The following MED12L variants were observed in gnomAD, a reference collection of about 807,000 sequenced individuals.
MED12L encodes the protein mediator complex subunit 12L, also known as mediator of RNA polymerase II transcription subunit 12-like protein.
In MED12L, 60 loss-of-function variants were observed where a neutral mutation model predicts 281.3. The observed-to-expected ratio is 0.21, with a 90% confidence interval of 0.17 to 0.26. The LOEUF (loss-of-function observed/expected upper bound fraction) is 0.26, where lower values mean the gene tolerates loss of function less well. Among genes scored for constraint, MED12L ranks in the 10% least tolerant of loss-of-function variants. MED12L has a pLI of 1.00. For missense variants in MED12L, 2,146 were observed against 2,680.9 expected (o/e 0.80, Z 4.41); for synonymous variants, 974 against 987.2 (o/e 0.99, Z 0.25).
chr3:151,318,511 T>A (rs1484496378), intron 16 of MED12L, among the ~76,000 whole-genome samples: 1 of 152,200 alleles, frequency 6.6e-6, no homozygotes, highest in Admixed American at 6.5e-5. Context: ...GCTCATAATT[T>A]GACATTTTAC....
chr3:151,195,462 T>G (rs1273426418), intron 16 of MED12L, among the ~76,000 whole-genome samples: 1 of 152,198 alleles, frequency 6.6e-6, no homozygotes, highest in Non-Finnish European at 1.5e-5. Context: ...AATTTTTCTA[T>G]GTCCAGGGAT....
In MED12L at chr3:151,388,060, A is replaced by G. The variant is rs532098523; in HGVS notation, c.5339A>G (p.Gln1780Arg). The G allele has an allele frequency of 6.2e-7, 1 of 1,614,074 alleles. No individual in the cohort carries two copies. The highest frequency in any genetic ancestry group is 1.1e-5 in the South Asian group (1 of 91,078). Residue 1780 changes from glutamine (Q) to arginine (R), a missense_variant, in exon 37 of 45, where the codon CAG (glutamine) becomes CGG (arginine). Coordinates refer to ENST00000687756, the MANE Select transcript of MED12L (RefSeq NM_001393769.1). ...EEEEPTSPVS[Q>R]EPERKSAELS... ...GAAGAGCCCACATCTCCAGTTTCTC[A>G]GGAACCAGAAAGGAAGTCCGCTGAG...
intron 11 of MED12L, among the ~76,000 whole-genome samples, chr3:151,175,851 A>G (rs1721975669): frequency 6.6e-6 from 1 of 152,234 alleles, no homozygotes; most frequent in South Asian, 2.1e-4. Context: ...ATCATTAATT[A>G]TGATTATTTG....
intron 5 of MED12L, among the ~76,000 whole-genome samples, chr3:151,154,164 G>GT: frequency 6.6e-6 from 1 of 152,080 alleles, no homozygotes. Context: ...TTTAATTGCA[G>GT]TTTTACTAAT....
chr3:151,188,585 T>A, intron 13 of MED12L, 105 bp downstream of exon 13: 3 of 1,176,844 alleles, frequency 2.5e-6, no homozygotes, highest in Non-Finnish European at 3.5e-6. Flanking sequence ...TTCTTGGCAC[T>A]GAATATAATG....
chr3:151,098,551 C>A (rs1721018897), intron 2 of MED12L, among the ~76,000 whole-genome samples: 1 of 152,154 alleles, frequency 6.6e-6, no homozygotes, highest in South Asian at 2.1e-4. Context: ...CTTGTGTCCA[C>A]ACATCACTAA....
intron 16 of MED12L, chr3:151,198,145 C>G (rs892817097): frequency 4.0e-6 from 1 of 247,818 alleles, no homozygotes; most frequent in Non-Finnish European, 7.8e-6. Flanking sequence ...TGTCATGGAC[C>G]TCTTTTGGAT....
intron 11 of MED12L, among the ~76,000 whole-genome samples, chr3:151,182,790 A>T (rs1396548135): frequency 6.6e-6 from 1 of 152,110 alleles, no homozygotes; most frequent in East Asian, 1.9e-4. Flanking sequence ...GGATCAGGTG[A>T]TTGTGGTCAG....
Position 151,154,253 on chromosome 3 carries a change from T to C in MED12L, c.557-1908T>C, listed in dbSNP as rs1435260411. 2.0e-5 allele frequency among the ~76,000 whole-genome samples: 3 copies of C among 152,126 alleles called. No individual in the cohort carries two copies. The East Asian group carries it at 5.8e-4, about 29-fold the overall frequency. On this transcript the variant is annotated intron_variant, in intron 5 of 44. Transcript: ENST00000687756. ...ATAACTTTAAGTCAGTTAAATACAC[T>C]TAAAGCACAGGGTTAAGAGGGCTTT...
At chr3:151,266,631 T>C (rs998032424) in intron 16 of MED12L, among the ~76,000 whole-genome samples, 1 of 152,188 alleles carries the variant, frequency 6.6e-6, no homozygotes, top group Non-Finnish European at 1.5e-5. Flanking sequence ...TTGAAGATTT[T>C]AAGTAAATGA....
intron 16 of MED12L, among the ~76,000 whole-genome samples, chr3:151,224,329 C>G (rs75950444): frequency 0.022 from 3,361 of 152,122 alleles, 119 homozygotes; most frequent in African/African-American, 0.077. Flanking sequence ...TACTTGTTTT[C>G]TAGCTGATTC....
chr3:151,370,297 G>A (rs1273532860), intron 26 of MED12L, among the ~76,000 whole-genome samples: 1 of 151,994 alleles, frequency 6.6e-6, no homozygotes, highest in Non-Finnish European at 1.5e-5. Context: ...CCTTCTTTTG[G>A]TCTTGACTCT....
At chr3:151,368,614 TATTTTATTTTATTTTATTTC>T (rs1461439893) in intron 25 of MED12L, among the ~76,000 whole-genome samples, 13 of 74,122 alleles carry the variant, frequency 1.8e-4, no homozygotes, top group East Asian at 8.8e-4. Context: ...TATTTTATTT[TATTTTATTTTATTTTATTTC>T]ATTTCATTTC....
intron 16 of MED12L, chr3:151,294,872 A>G (rs779398418): frequency 1.9e-6 from 3 of 1,613,994 alleles, no homozygotes; most frequent in Non-Finnish European, 2.5e-6. Flanking sequence ...GGAAGTATAC[A>G]TGTTTGCATA....
Position 151,360,244 on chromosome 3 carries a change from T to G in MED12L, c.2826-230T>G, listed in dbSNP as rs894222290. ...TTATGAAGGAATTTCTTTCCTTGCT[T>G]TTGTTTCTTGTCATCAGTGACATTT... On this transcript the variant is annotated intron_variant, in intron 20 of 44. Coordinates refer to ENST00000687756, the MANE Select transcript of MED12L (RefSeq NM_001393769.1). Among the ~76,000 whole-genome samples the G allele has an allele frequency of 2.6e-5, 4 of 152,184 alleles. No individual in the cohort carries two copies. The South Asian group carries it at 8.3e-4, about 32-fold the overall frequency.
chr3:151,329,033 A>G (rs754884650), intron 16 of MED12L: 1 of 1,476,492 alleles, frequency 6.8e-7, no homozygotes, highest in South Asian at 1.3e-5. Context: ...ATATATACAA[A>G]CAAAAGAAAA....
chr3:151,086,875 C>A lies in MED12L; in HGVS notation c.-52C>A. On this transcript the variant is annotated 5_prime_UTR_variant, in exon 2 of 45. Transcript: ENST00000687756. ...AGTGCTGCTCCCTGGTGCTCAGAGG[C>A]GGCTGCTCCAGCTCCAACTCTCATT... 7.0e-7 allele frequency: 1 copy of A among 1,429,490 alleles called. No individual in the cohort carries two copies. Among genetic ancestry groups the A allele is most frequent in the South Asian group, 1.3e-5 (1 of 77,806 alleles). The allele number at this position is 1,429,490 out of a possible 1,614,324, so 88.6% of individuals were successfully genotyped here. A position where few individuals can be genotyped will look rare whatever the true frequency, so the allele number is the denominator to read the frequency against.
chr3:151,402,746 G>A (rs1456374995), intron 39 of MED12L, among the ~76,000 whole-genome samples: 1 of 152,200 alleles, frequency 6.6e-6, no homozygotes, highest in African/African-American at 2.4e-5. Flanking sequence ...GTTGCAGTCT[G>A]TAGTGAGGAT....
chr3:151,324,508 T>A (rs750040827), intron 16 of MED12L, among the ~76,000 whole-genome samples: 2 of 152,178 alleles, frequency 1.3e-5, no homozygotes, highest in Non-Finnish European at 2.9e-5. Flanking sequence ...TAAATACAGT[T>A]GTTAAGAATA....
Sources: allele counts gnomAD v4.1 joint callset (sites outside exome capture counted in the v4.1 genomes callset), GRCh38; gene constraint gnomAD v4.1.1; transcripts MANE v1.5; gene names NCBI Gene and HGNC (gene_info 2026-07-23, HGNC 2026-07-21).